The following KCNK13 variants were observed in gnomAD, a reference collection of about 807,000 sequenced individuals.
The protein encoded by KCNK13 is potassium two pore domain channel subfamily K member 13.
In KCNK13, 12 loss-of-function variants were observed where a neutral mutation model predicts 23.4. The observed-to-expected ratio is 0.51, with a 90% CI of 0.33 to 0.83. The LOEUF (loss-of-function observed/expected upper bound fraction) is 0.83, where lower values mean the gene tolerates loss of function less well. Ranked by LOEUF, KCNK13 falls within the 40% of genes least tolerant of loss-of-function variation. The pLI, the probability that KCNK13 is intolerant of heterozygous loss-of-function variation, is 0.02. For synonymous variants in KCNK13, 231 were observed against 229.5 expected (o/e 1.01, Z -0.06); for missense variants, 463 against 556.3 (o/e 0.83, Z 1.69).
intron 1 of KCNK13, among the ~76,000 whole-genome samples, chr14:90,068,879 T>C (rs1444097879): frequency 6.6e-6 from 1 of 152,060 alleles, no homozygotes; most frequent in Non-Finnish European, 1.5e-5. Flanking sequence ...TCAAGTGCGC[T>C]GAGGGCAGGT....
intron 1 of KCNK13, among the ~76,000 whole-genome samples, chr14:90,095,782 A>G (rs965945644): frequency 2.6e-5 from 4 of 152,286 alleles, no homozygotes; most frequent in East Asian, 1.9e-4. Flanking sequence ...GACACTATCT[A>G]TCTGGAGATC....
rs552330925 is a variant in KCNK13 at position 90,129,741 on chromosome 14, C to T, written c.335-54370C>T. Among the ~76,000 whole-genome samples the T allele has an allele frequency of 4.7e-5, 4 of 84,706 alleles. No homozygotes were observed. In the South Asian group the frequency reaches 4.0e-3, roughly 85 times the overall value. 55.6% of individuals were successfully genotyped at this position (84,706 alleles called of 152,430 possible). ...TTCTCTGCATTCAGTGTGACTGAAACTTAGATAACTGAGACTGGTGTGTTT... is the reference window on the plus strand; with the variant it reads ...TTCTCTGCATTCAGTGTGACTGAAATTTAGATAACTGAGACTGGTGTGTTT... On this transcript the variant is annotated intron_variant, in intron 1 of 1. Transcript: ENST00000282146.
chr14:90,109,518 C>T (rs974445743), intron 1 of KCNK13, among the ~76,000 whole-genome samples: 1 of 149,698 alleles, frequency 6.7e-6, no homozygotes, highest in Admixed American at 6.7e-5. Context: ...ACGCCATTCT[C>T]CTGCCTCAGC....
At chr14:90,063,423 G>A (rs996586397) in intron 1 of KCNK13, among the ~76,000 whole-genome samples, 4 of 152,090 alleles carry the variant, frequency 2.6e-5, no homozygotes, top group Non-Finnish European at 5.9e-5. Context: ...GGGAGTCTGC[G>A]CCACACCCCT....
intron 1 of KCNK13, among the ~76,000 whole-genome samples, chr14:90,087,154 A>ATATATATT (rs1282261147): frequency 4.6e-5 from 5 of 107,648 alleles, no homozygotes; most frequent in African/African-American, 1.1e-4. Flanking sequence ...ATATATATAT[A>ATATATATT]TTTTTTTTTT....
intron 1 of KCNK13, among the ~76,000 whole-genome samples, chr14:90,067,581 C>A (rs370328900): frequency 6.6e-6 from 1 of 152,122 alleles, no homozygotes; most frequent in Admixed American, 6.5e-5. Flanking sequence ...TTGAATTGTA[C>A]ACTTTTAAAT....
At chr14:90,145,662 C>A (rs1221257687) in intron 1 of KCNK13, among the ~76,000 whole-genome samples, 1 of 151,904 alleles carries the variant, frequency 6.6e-6, no homozygotes, top group Non-Finnish European at 1.5e-5. Flanking sequence ...TTATTGATTC[C>A]TTATTGATCC....
intron 1 of KCNK13, among the ~76,000 whole-genome samples, chr14:90,134,984 T>C (rs547538498): frequency 6.6e-6 from 1 of 152,322 alleles, no homozygotes; most frequent in Non-Finnish European, 1.5e-5. Flanking sequence ...ACATGACTGA[T>C]TTGAGAGTTT....
At chr14:90,130,216 T>TTTATTTATTTA (rs2140422220) in intron 1 of KCNK13, among the ~76,000 whole-genome samples, 1 of 14,016 alleles carries the variant, frequency 7.1e-5, no homozygotes, top group South Asian at 3.3e-3. Flanking sequence ...TTATTTATTT[T>TTTATTTATTTA]TCAGACAGGG....
chr14:90,121,888 T>A (rs1204201838), intron 1 of KCNK13, among the ~76,000 whole-genome samples: 1 of 151,858 alleles, frequency 6.6e-6, no homozygotes, highest in Non-Finnish European at 1.5e-5. Context: ...CCTGGCTAAT[T>A]TTTGTATTTT....
intron 1 of KCNK13, among the ~76,000 whole-genome samples, chr14:90,095,336 G>T (rs147292988): frequency 6.6e-6 from 1 of 152,180 alleles, no homozygotes; most frequent in African/African-American, 2.4e-5. Context: ...TATAACTGCC[G>T]TGAAGACTTG....
At chr14:90,166,855 C>T (rs1249320901) in intron 1 of KCNK13, among the ~76,000 whole-genome samples, 1 of 152,134 alleles carries the variant, frequency 6.6e-6, no homozygotes, top group South Asian at 2.1e-4. Context: ...GATTGGTGCC[C>T]TGCACACACA....
intron 1 of KCNK13, among the ~76,000 whole-genome samples, chr14:90,067,230 A>G (rs1429236249): frequency 2.6e-5 from 4 of 152,158 alleles, no homozygotes; most frequent in East Asian, 3.9e-4. Context: ...GATCGCGCCA[A>G]TGCACTCCAG....
rs149370077 is a variant in KCNK13 at position 90,075,661 on chromosome 14, A to G, written c.334+13122A>G. Among the ~76,000 whole-genome samples, 1,125 of 152,074 alleles carry G rather than the reference A, an allele frequency of 7.4e-3. 16 individuals carry two copies. The highest frequency in any genetic ancestry group is 0.046 in the Admixed American group (710 of 15,276). On this transcript the variant is annotated intron_variant, in intron 1 of 1. Transcript: ENST00000282146. Reference sequence around the variant, plus strand: ...GCTCGGCTAATTTTTGTATTTTTTTAGTAGAGACAAGGTTTCCCCATGTTG... The same window carrying G: ...GCTCGGCTAATTTTTGTATTTTTTTGGTAGAGACAAGGTTTCCCCATGTTG...
chr14:90,152,549 G>A (rs7148592), intron 1 of KCNK13, among the ~76,000 whole-genome samples: 76,768 of 151,674 alleles, frequency 0.51, 20,402 homozygotes, highest in East Asian at 0.94. Context: ...AAAAAAAGAA[G>A]GGCATGCCTT....
intron 1 of KCNK13, among the ~76,000 whole-genome samples, chr14:90,100,218 A>G (rs1029205271): frequency 6.6e-6 from 1 of 152,194 alleles, no homozygotes; most frequent in African/African-American, 2.4e-5. Flanking sequence ...GAAACTAAAA[A>G]TATCTTCATT....
chr14:90,160,845 GAA>G (rs762915051), intron 1 of KCNK13, among the ~76,000 whole-genome samples: 2 of 97,344 alleles, frequency 2.1e-5, no homozygotes, highest in Non-Finnish European at 2.2e-5. Context: ...CTCCAGTTCA[GAA>G]AAAAAAAAAA....
At chr14:90,171,616 A>G (rs1320477948) in intron 1 of KCNK13, among the ~76,000 whole-genome samples, 2 of 152,230 alleles carry the variant, frequency 1.3e-5, no homozygotes, top group East Asian at 3.9e-4. Context: ...ACGTCAATTA[A>G]TATATGTCTG....
chr14:90,076,431 A>G (rs1889135055), intron 1 of KCNK13, among the ~76,000 whole-genome samples: 1 of 152,190 alleles, frequency 6.6e-6, no homozygotes, highest in Non-Finnish European at 1.5e-5. Flanking sequence ...GAGGGAAGGA[A>G]AGAGGTAAAA....
Sources: allele counts gnomAD v4.1 joint callset (sites outside exome capture counted in the v4.1 genomes callset), GRCh38; gene constraint gnomAD v4.1.1; transcripts MANE v1.5; gene names NCBI Gene and HGNC (gene_info 2026-07-23, HGNC 2026-07-21).